MLLT3: variants seen among roughly 807,000 people sequenced by gnomAD.
MLLT3 encodes MLLT3 super elongation complex subunit, also known as protein AF-9.
Under a neutral mutation model 53.2 loss-of-function variants are expected in MLLT3, and 4 were observed. The ratio of observed to expected loss-of-function variants is 0.08; its 90% CI spans 0.04 to 0.17. The LOEUF (loss-of-function observed/expected upper bound fraction) is 0.17. Ranked by LOEUF, MLLT3 falls within the 10% of genes least tolerant of loss-of-function variation. The pLI is 1.00. For synonymous variants in MLLT3, 283 were observed against 230.6 expected, an observed-to-expected ratio of 1.23 and a Z score of -2.06; for missense variants, 569 against 684.0, an observed-to-expected ratio of 0.83 and a Z score of 1.87.
At chr9:20,467,229 C>A (rs1824259201) in intron 2 of MLLT3, among the ~76,000 whole-genome samples, 2 of 152,106 alleles carry the variant, frequency 1.3e-5, no homozygotes, top group African/African-American at 2.4e-5. Context: ...GATCCTCTCG[C>A]CTCAGCCTAT....
chr9:20,564,474 T>C (rs1819297393), intron 2 of MLLT3, among the ~76,000 whole-genome samples: 1 of 152,124 alleles, frequency 6.6e-6, no homozygotes, highest in Non-Finnish European at 1.5e-5. Context: ...TTTGGCAAAA[T>C]TGCAAACTAA....
chr9:20,515,716 T>C (rs770482766), intron 2 of MLLT3, among the ~76,000 whole-genome samples: 1 of 152,190 alleles, frequency 6.6e-6, no homozygotes, highest in African/African-American at 2.4e-5. Flanking sequence ...GGGTCCCATA[T>C]GGCAACCATA....
intron 2 of MLLT3, among the ~76,000 whole-genome samples, chr9:20,527,752 C>CA (rs1258832298): frequency 6.6e-6 from 1 of 152,064 alleles, no homozygotes; most frequent in African/African-American, 2.4e-5. Flanking sequence ...TAATGCATTT[C>CA]AAAAAAATGT....
intron 2 of MLLT3, among the ~76,000 whole-genome samples, chr9:20,599,762 G>T (rs1337431628): frequency 1.3e-5 from 2 of 152,122 alleles, no homozygotes; most frequent in Non-Finnish European, 2.9e-5. Context: ...CAGGACAATA[G>T]GTATATACTT....
intron 5 of MLLT3, among the ~76,000 whole-genome samples, chr9:20,376,628 C>T (rs771778421): frequency 2.6e-5 from 4 of 152,122 alleles, no homozygotes; most frequent in South Asian, 2.1e-4. Context: ...AAAATGGCCT[C>T]GGGGAGCAGG....
chr9:20,346,409 AC>A lies in MLLT3; in HGVS notation c.*33del. On this transcript the variant is annotated 3_prime_UTR_variant, in exon 11 of 11. Transcript: ENST00000380338. ...AAAAAAAAAACCAAAAAAAAAAAAC[AC>A]AATAGTTCTTGATGCATCCAGTTGT... The A allele has an allele frequency of 6.8e-7, 1 of 1,471,554 alleles. No individual in the cohort carries two copies. The highest frequency in any genetic ancestry group is 9.0e-7 in the Non-Finnish European group (1 of 1,109,532). The allele number at this position is 1,471,554 out of a possible 1,614,324, so 91.2% of individuals were successfully genotyped here. A position where few individuals can be genotyped will look rare whatever the true frequency, so the allele number is the denominator to read the frequency against.
Position 20,544,396 on chromosome 9 carries a change from A to C in MLLT3, c.193+76258T>G, listed in dbSNP as rs147777652. ...CTATGAAATGGGAATAAATATTTCC[A>C]AATCATCTATTTGATAAGAGGTTGA... On this transcript the variant is annotated intron_variant, in intron 2 of 10. Coordinates refer to ENST00000380338, the MANE Select transcript of MLLT3 (RefSeq NM_004529.4). Among the ~76,000 whole-genome samples, 13 of 152,356 alleles carry C rather than the reference A, an allele frequency of 8.5e-5. No individual in the cohort carries two copies. In the East Asian group the frequency reaches 2.5e-3, roughly 29 times the overall value.
At chr9:20,433,556 G>C (rs529654056) in intron 4 of MLLT3, among the ~76,000 whole-genome samples, 1 of 152,196 alleles carries the variant, frequency 6.6e-6, no homozygotes, top group African/African-American at 2.4e-5. Context: ...CAACAGTAAT[G>C]TCTCAGTGGA....
chr9:20,404,315 CCCTG>C (rs1822528496), intron 5 of MLLT3, among the ~76,000 whole-genome samples: 2 of 152,136 alleles, frequency 1.3e-5, no homozygotes, highest in African/African-American at 4.8e-5. Flanking sequence ...TTACAAGAAC[CCCTG>C]CCAACATCAG....
chr9:20,369,381 G>C (rs1364340159), intron 5 of MLLT3, among the ~76,000 whole-genome samples: 1 of 152,078 alleles, frequency 6.6e-6, no homozygotes, highest in Non-Finnish European at 1.5e-5. Flanking sequence ...ACACATTTTT[G>C]AAAGAATTTT....
chr9:20,425,502 T>TA (rs1823119980), intron 4 of MLLT3, among the ~76,000 whole-genome samples: 1 of 152,134 alleles, frequency 6.6e-6, no homozygotes, highest in African/African-American at 2.4e-5. Flanking sequence ...ATTTGCACTT[T>TA]AGAGACTTTG....
intron 2 of MLLT3, among the ~76,000 whole-genome samples, chr9:20,544,081 G>C (rs190648799): frequency 6.6e-6 from 1 of 152,296 alleles, no homozygotes; most frequent in African/African-American, 2.4e-5. Context: ...TCTTCAACAA[G>C]GATGCCAAGG....
At chr9:20,551,435 A>C (rs942610315) in intron 2 of MLLT3, among the ~76,000 whole-genome samples, 2 of 152,186 alleles carry the variant, frequency 1.3e-5, no homozygotes, top group Non-Finnish European at 2.9e-5. Flanking sequence ...AAATTATTAC[A>C]TGGACCTGCT....
intron 2 of MLLT3, among the ~76,000 whole-genome samples, chr9:20,541,085 G>A (rs1311967169): frequency 1.3e-5 from 2 of 152,106 alleles, no homozygotes; most frequent in African/African-American, 4.8e-5. Flanking sequence ...CAGCCTTTTT[G>A]CTAAATTATA....
At chr9:20,396,610 A>C (rs867313629) in intron 5 of MLLT3, among the ~76,000 whole-genome samples, 1 of 152,054 alleles carries the variant, frequency 6.6e-6, no homozygotes, top group Admixed American at 6.6e-5. Context: ...CCAAAGTGCT[A>C]TGGTTCCAAG....
At chr9:20,365,387 T>G (rs1160404024) in intron 6 of MLLT3, among the ~76,000 whole-genome samples, 2 of 152,214 alleles carry the variant, frequency 1.3e-5, no homozygotes, top group African/African-American at 4.8e-5. Flanking sequence ...TCACCCAGGC[T>G]GGAGTGCAGT....
chr9:20,377,588 TA>T (rs1321414468), intron 5 of MLLT3, among the ~76,000 whole-genome samples: 1 of 152,118 alleles, frequency 6.6e-6, no homozygotes, highest in African/African-American at 2.4e-5. Flanking sequence ...TTTAACCTTT[TA>T]AAAAATGTGT....
chr9:20,416,371 T>C (rs1353868137), intron 4 of MLLT3, among the ~76,000 whole-genome samples: 1 of 152,016 alleles, frequency 6.6e-6, no homozygotes, highest in Non-Finnish European at 1.5e-5. Flanking sequence ...CATACAATTT[T>C]TAACCTACCA....
chr9:20,500,505 A>G (rs1436446008), intron 2 of MLLT3, among the ~76,000 whole-genome samples: 1 of 152,198 alleles, frequency 6.6e-6, no homozygotes, highest in Non-Finnish European at 1.5e-5. Context: ...AAGTAGCAAA[A>G]TCAACTGTGA....
Sources: gnomAD v4.1 joint callset for allele counts (sites outside exome capture counted in the v4.1 genomes callset) on GRCh38, gnomAD v4.1.1 for gene constraint, MANE v1.5 for transcripts, NCBI Gene and HGNC (gene_info 2026-07-23, HGNC 2026-07-21) for gene names.